Variants in SHPRH observed in about 807,000 individuals in gnomAD.
SHPRH encodes the protein E3 ubiquitin-protein ligase SHPRH.
In SHPRH, 106 loss-of-function variants were observed where a neutral mutation model predicts 202.5. The ratio of observed to expected loss-of-function variants is 0.52; its 90% CI spans 0.45 to 0.62. SHPRH has a LOEUF of 0.62. Among genes scored for constraint, SHPRH ranks in the 20% least tolerant of loss-of-function variants. SHPRH has a pLI of 0.00. For missense variants in SHPRH, 1,710 were observed against 2,020.0 expected, an observed-to-expected ratio of 0.85 and a Z score of 2.94; for synonymous variants, 729 against 686.0, an observed-to-expected ratio of 1.06 and a Z score of -0.98.
rs116865784 is a variant in SHPRH at position 145,919,880 on chromosome 6, T to C, written c.4009-389A>G. Among the ~76,000 whole-genome samples the C allele has an allele frequency of 5.2e-3, 799 of 152,284 alleles. 1 individual carries two copies. The highest frequency in any genetic ancestry group is 8.2e-3 in the Non-Finnish European group (557 of 68,014). ...ATACAATCAAGTACTCATCATTTAATTGAAGAAAGAATAATATGAATTCCT... is the reference window on the plus strand; with the variant it reads ...ATACAATCAAGTACTCATCATTTAACTGAAGAAAGAATAATATGAATTCCT... On this transcript the variant is annotated intron_variant, in intron 21 of 29. Transcript: ENST00000275233.
At chr6:145,946,098 G>C (rs889087038) in intron 7 of SHPRH, 135 bp downstream of exon 7, 2 of 599,550 alleles carry the variant, frequency 3.3e-6, no homozygotes, top group African/African-American at 3.8e-5. Flanking sequence ...ACTTGTAATT[G>C]AATTCATTTA....
rs1781032629 is a variant in SHPRH at position 145,886,621 on chromosome 6, T to C, written c.*70A>G. On this transcript the variant is annotated 3_prime_UTR_variant, in exon 30 of 30. Coordinates refer to ENST00000275233, the MANE Select transcript of SHPRH (RefSeq NM_001042683.3). ...CTGTTATCTACTGGGTTTTTAAAAC[T>C]TGTAACTTTGCTCTACAGCTATGAA... The C allele has an allele frequency of 6.3e-7, 1 of 1,581,606 alleles. No homozygotes were observed. Among genetic ancestry groups the C allele is most frequent in the African/African-American group, 1.4e-5 (1 of 73,540 alleles).
chr6:145,931,308 CCTT>C (rs1785414665), intron 14 of SHPRH, among the ~76,000 whole-genome samples: 1 of 151,468 alleles, frequency 6.6e-6, no homozygotes, highest in African/African-American at 2.4e-5. Context: ...TTTTTTGCAC[CCTT>C]TTTTCTTTTT....
intron 4 of SHPRH, among the ~76,000 whole-genome samples, chr6:145,950,033 G>C (rs960594280): frequency 1.9e-4 from 29 of 152,176 alleles, no homozygotes; most frequent in African/African-American, 6.3e-4. Context: ...AGGCAGGATT[G>C]ATTTCCTTTT....
chr6:145,951,470 C>A (rs1381515774), intron 3 of SHPRH, among the ~76,000 whole-genome samples: 1 of 151,940 alleles, frequency 6.6e-6, no homozygotes, highest in Non-Finnish European at 1.5e-5. Flanking sequence ...TAGACTTTTA[C>A]TATAATTATA....
At chr6:145,880,887 C>T (rs1034847078), downstream of SHPRH, among the ~76,000 whole-genome samples, 5 of 151,998 alleles carry the variant, frequency 3.3e-5, no homozygotes, top group African/African-American at 2.4e-5. Context: ...AAAAGAGTTT[C>T]GAGTGATAAA....
At chr6:145,898,600 T>A (rs930103595) in intron 25 of SHPRH, among the ~76,000 whole-genome samples, 2 of 152,042 alleles carry the variant, frequency 1.3e-5, no homozygotes, top group African/African-American at 4.8e-5. Context: ...TTGGTGCCAT[T>A]CTCTTGGTAG....
chr6:145,950,150 T>G (rs1347055567), intron 4 of SHPRH, 114 bp downstream of exon 4: 2 of 775,934 alleles, frequency 2.6e-6, no homozygotes, highest in African/African-American at 1.8e-5. Flanking sequence ...ATGGCACCCA[T>G]TCTATCTTAT....
Position 145,924,433 on chromosome 6 carries a change from T to C in SHPRH, c.3402+306A>G, listed in dbSNP as rs545650833. Among the ~76,000 whole-genome samples the C allele has an allele frequency of 3.9e-5, 6 of 151,966 alleles. 1 individual carries two copies. In the South Asian group the frequency reaches 6.2e-4, roughly 16 times the overall value. On this transcript the variant is annotated intron_variant, in intron 17 of 29. Coordinates refer to ENST00000275233, the MANE Select transcript of SHPRH (RefSeq NM_001042683.3). ...ATTTTAAAACATCTCAGAAACAAGATAAAAAGGAGGTTATAGAAGTCTTTA... is the reference window on the plus strand; with the variant it reads ...ATTTTAAAACATCTCAGAAACAAGACAAAAAGGAGGTTATAGAAGTCTTTA...
At chr6:145,890,841 C>T (rs1233553146) in intron 28 of SHPRH, among the ~76,000 whole-genome samples, 3 of 152,090 alleles carry the variant, frequency 2.0e-5, no homozygotes, top group Non-Finnish European at 2.9e-5. Flanking sequence ...TGGTGTTATC[C>T]TTGACCCTCT....
At chr6:145,931,643 T>C (rs1436307740) in intron 14 of SHPRH, among the ~76,000 whole-genome samples, 1 of 152,132 alleles carries the variant, frequency 6.6e-6, no homozygotes, top group Non-Finnish European at 1.5e-5. Flanking sequence ...GCCTGATTTT[T>C]TATTTTTTCT....
Position 145,922,849 on chromosome 6 carries a change from C to A in SHPRH, c.3546-13G>T. The stretch of plus-strand genomic sequence containing the variant: ...GCAATCACGGAACCTGATTCCCACA[C>A]CAGCACCACACACAATACAAAGAAA... On this transcript the variant is annotated splice_polypyrimidine_tract_variant and intron_variant, in intron 18 of 29. Coordinates refer to ENST00000275233, the MANE Select transcript of SHPRH (RefSeq NM_001042683.3). The A allele has an allele frequency of 6.3e-7, 1 of 1,599,796 alleles. No homozygotes were observed. The highest frequency in any genetic ancestry group is 8.5e-7 in the Non-Finnish European group (1 of 1,173,442).
At chr6:145,953,354 A>G (rs1246633736) in intron 2 of SHPRH, among the ~76,000 whole-genome samples, 1 of 152,070 alleles carries the variant, frequency 6.6e-6, no homozygotes, top group Non-Finnish European at 1.5e-5. Flanking sequence ...AATATTTGTA[A>G]AATTCAGGAT....
chr6:145,932,057 G>C lies in SHPRH; in HGVS notation c.3112+1000C>G, dbSNP rs73785638. Among the ~76,000 whole-genome samples the C allele has an allele frequency of 9.3e-4, 141 of 151,684 alleles. 1 individual carries two copies. Among genetic ancestry groups the C allele is most frequent in the African/African-American group, 3.2e-3 (132 of 41,362 alleles). On this transcript the variant is annotated intron_variant, in intron 14 of 29. Coordinates refer to ENST00000275233, the MANE Select transcript of SHPRH (RefSeq NM_001042683.3). ...TTTGACTTTATTGATTTTTTTCTTA[G>C]GCGGTGTCTAATCTTCTATTTATTA...
chr6:145,878,602 A>G (rs1489266096), intron 2 of SHPRH, among the ~76,000 whole-genome samples: 1 of 152,172 alleles, frequency 6.6e-6, no homozygotes, highest in Non-Finnish European at 1.5e-5. Flanking sequence ...CCAGTTTTAA[A>G]TTGGGTTATT....
intron 16 of SHPRH, 38 bp from the exon 17 acceptor site, chr6:145,924,884 T>C: frequency 6.7e-7 from 1 of 1,502,858 alleles, no homozygotes; most frequent in Non-Finnish European, 9.2e-7. Context: ...TCACTCCCAA[T>C]CTAGAATATA....
rs1787847104 is a variant in SHPRH, at chr6:145,950,359, T to C, written c.887A>G (p.Gln296Arg). The change falls in exon 4 of 30, where the codon CAG (glutamine) becomes CGG (arginine). Residue 296 changes from glutamine to arginine, a missense_variant. Transcript: ENST00000275233. Reference protein sequence around the residue: ...QETQSIQVDVQHPALIPVLRP... With the variant: ...QETQSIQVDVRHPALIPVLRP... ...CAACACAGGGATCAATGCAGGATGC[T>C]GGACATCCACTTGGATGGACTGCGT... The C allele has an allele frequency of 6.2e-6, 10 of 1,613,278 alleles. No homozygotes were observed. The highest frequency in any genetic ancestry group is 8.5e-6 in the Non-Finnish European group (10 of 1,179,440).
At chr6:145,931,715 T>C (rs754876041) in intron 14 of SHPRH, among the ~76,000 whole-genome samples, 60 of 152,238 alleles carry the variant, frequency 3.9e-4, no homozygotes, top group Admixed American at 6.5e-4. Flanking sequence ...GTGGTGGCTG[T>C]AGGGTGCACA....
intron 14 of SHPRH, among the ~76,000 whole-genome samples, chr6:145,930,522 C>T (rs942086069): frequency 6.6e-6 from 1 of 152,122 alleles, no homozygotes; most frequent in African/African-American, 2.4e-5. Context: ...ATTTAATTCA[C>T]AGCATTTGCG....
Sources: gnomAD v4.1 joint callset for allele counts (sites outside exome capture counted in the v4.1 genomes callset) on GRCh38, gnomAD v4.1.1 for gene constraint, MANE v1.5 for transcripts, NCBI Gene and HGNC (gene_info 2026-07-23, HGNC 2026-07-21) for gene names.